Variants in FRMD4A observed in about 807,000 individuals in gnomAD.
FRMD4A encodes the protein FERM domain containing 4A, also known as FERM domain-containing protein 4A.
In FRMD4A, 29 loss-of-function variants were observed where a neutral mutation model predicts 129.1. The ratio of observed to expected loss-of-function variants is 0.22; its 90% CI spans 0.17 to 0.31. The LOEUF is 0.31. Among genes scored for constraint, FRMD4A ranks in the 10% least tolerant of loss-of-function variants. FRMD4A has a pLI of 1.00. For synonymous variants in FRMD4A, 634 were observed against 571.6 expected (o/e 1.11, Z -1.56); for missense variants, 1,272 against 1,375.8 (o/e 0.92, Z 1.19).
chr10:13,665,630 G>A (rs1158376735), intron 18 of FRMD4A, among the ~76,000 whole-genome samples: 9 of 152,182 alleles, frequency 5.9e-5, no homozygotes, highest in Admixed American at 5.9e-4. Context: ...TTCAGCTCTT[G>A]GGATAGGAGG....
At chr10:14,226,169 G>A (rs1399945734) in intron 2 of FRMD4A, among the ~76,000 whole-genome samples, 1 of 151,954 alleles carries the variant, frequency 6.6e-6, no homozygotes, top group Non-Finnish European at 1.5e-5. Context: ...GGTTTATTAT[G>A]TAGGTGCACA....
At chr10:14,218,461 G>T (rs904158628) in intron 2 of FRMD4A, among the ~76,000 whole-genome samples, 2 of 152,160 alleles carry the variant, frequency 1.3e-5, no homozygotes, top group African/African-American at 4.8e-5. Context: ...CCTTACATTT[G>T]TATAAGATTT....
At chr10:14,218,943 G>A (rs1843158710) in intron 2 of FRMD4A, among the ~76,000 whole-genome samples, 1 of 116,146 alleles carries the variant, frequency 8.6e-6, no homozygotes, top group Admixed American at 9.8e-5. Context: ...CAACAAGAGT[G>A]AGACTTCATC....
chr10:14,145,880 C>G (rs1016532779), intron 2 of FRMD4A, among the ~76,000 whole-genome samples: 2 of 152,146 alleles, frequency 1.3e-5, no homozygotes, highest in African/African-American at 4.8e-5. Context: ...GCAACCATTT[C>G]CATTTAGAGT....
chr10:13,795,221 G>A (rs529254752), intron 5 of FRMD4A, among the ~76,000 whole-genome samples: 12 of 152,266 alleles, frequency 7.9e-5, no homozygotes, highest in African/African-American at 2.9e-4. Flanking sequence ...CAGAGGAATT[G>A]TTACTATTTG....
chr10:14,006,854 A>G (rs1480870768), intron 2 of FRMD4A, among the ~76,000 whole-genome samples: 2 of 152,224 alleles, frequency 1.3e-5, no homozygotes, highest in East Asian at 1.9e-4. Context: ...CATTTAATAC[A>G]TATTAGTTGA....
At chr10:13,951,118 G>A (rs1337653759) in intron 2 of FRMD4A, among the ~76,000 whole-genome samples, 2 of 152,168 alleles carry the variant, frequency 1.3e-5, no homozygotes, top group Non-Finnish European at 2.9e-5. Flanking sequence ...AGGGTGCTGG[G>A]TGCTTCCACA....
chr10:13,869,751 TTA>T (rs1056848787), intron 2 of FRMD4A, among the ~76,000 whole-genome samples: 8 of 152,228 alleles, frequency 5.3e-5, no homozygotes, highest in African/African-American at 1.7e-4. Context: ...TCTGCCACTG[TTA>T]GAGTGTTTTC....
intron 2 of FRMD4A, among the ~76,000 whole-genome samples, chr10:14,213,993 C>T (rs866641680): frequency 6.6e-5 from 10 of 152,220 alleles, no homozygotes; most frequent in South Asian, 2.1e-4. Context: ...ATAAGTCTCA[C>T]GAGATCTGAT....
intron 2 of FRMD4A, among the ~76,000 whole-genome samples, chr10:14,092,160 T>A (rs1273912772): frequency 1.4e-5 from 2 of 148,114 alleles, no homozygotes; most frequent in African/African-American, 5.0e-5. Context: ...ACACTCCGAG[T>A]CAGGCAGGTT....
At chr10:13,781,094 G>A (rs2130776043) in intron 6 of FRMD4A, among the ~76,000 whole-genome samples, 1 of 152,174 alleles carries the variant, frequency 6.6e-6, no homozygotes. Flanking sequence ...CCTGAGCCCA[G>A]GAGTTTGAGA....
At chr10:14,289,477 T>C (rs1399790912) in intron 2 of FRMD4A, among the ~76,000 whole-genome samples, 1 of 152,170 alleles carries the variant, frequency 6.6e-6, no homozygotes, top group Non-Finnish European at 1.5e-5. Context: ...TGGGTTATCG[T>C]CATTATCTAT....
chr10:13,779,822 G>A (rs1013694705), intron 6 of FRMD4A, among the ~76,000 whole-genome samples: 2 of 149,932 alleles, frequency 1.3e-5, no homozygotes, highest in Admixed American at 6.6e-5. Context: ...CTCAAAAGGC[G>A]TTGTGAAGAC....
intron 2 of FRMD4A, chr10:13,890,765 T>C (rs1473121683): frequency 1.0e-6 from 1 of 985,208 alleles, no homozygotes; most frequent in African/African-American, 1.7e-5. Flanking sequence ...GCATTGGTTC[T>C]CGTTTCTCAG....
chr10:14,058,074 T>C (rs1004615647), intron 2 of FRMD4A, among the ~76,000 whole-genome samples: 4 of 152,196 alleles, frequency 2.6e-5, no homozygotes, highest in Non-Finnish European at 4.4e-5. Context: ...GACACAGGCA[T>C]AGATGTGTGT....
intron 2 of FRMD4A, among the ~76,000 whole-genome samples, chr10:14,186,043 A>T (rs1027742934): frequency 6.6e-6 from 1 of 152,118 alleles, no homozygotes. Context: ...GCGGGCTGGG[A>T]CCTACCCCCG....
intron 2 of FRMD4A, among the ~76,000 whole-genome samples, chr10:13,945,869 G>T (rs1200182470): frequency 6.6e-6 from 1 of 152,142 alleles, no homozygotes; most frequent in African/African-American, 2.4e-5. Context: ...GCTCATGACT[G>T]CAGGCTTCAA....
chr10:13,675,067 C>A, intron 15 of FRMD4A, 23 bp from the exon 16 acceptor site: 1 of 1,608,362 alleles, frequency 6.2e-7, no homozygotes, highest in Non-Finnish European at 8.5e-7. Context: ...AGTGGGGTTA[C>A]TTGGCCAGCT....
At position 13,656,871 on chromosome 10, in the gene FRMD4A, A is replaced by T; in HGVS notation, c.2718T>A (p.Thr906=). 6.7e-7 allele frequency: 1 copy of T among 1,488,116 alleles called. No individual in the cohort carries two copies. The highest frequency in any genetic ancestry group is 8.9e-7 in the Non-Finnish European group (1 of 1,123,856). The allele number at this position is 1,488,116 out of a possible 1,614,324, so 92.2% of individuals were successfully genotyped here. ...LTPSRSQILR[T]PSLGREGAHD... The stretch of plus-strand genomic sequence containing the variant: ...GGGCGCCCTCGCGGCCCAGCGACGG[A>T]GTCCGCAGGATCTGCGATCGCGACG... The change falls in exon 22 of 25, where the codon ACT becomes ACA. Residue 906 remains threonine (T), a synonymous_variant. Transcript: ENST00000357447.
Sources: gnomAD v4.1 joint callset for allele counts (sites outside exome capture counted in the v4.1 genomes callset) on GRCh38, gnomAD v4.1.1 for gene constraint, MANE v1.5 for transcripts, NCBI Gene and HGNC (gene_info 2026-07-23, HGNC 2026-07-21) for gene names.